RGS9: variants seen among roughly 807,000 people sequenced by gnomAD.
RGS9 encodes the protein regulator of G protein signaling 9.
A neutral mutation model predicts 102.0 loss-of-function variants in RGS9; 78 were observed. That is an observed-to-expected ratio of 0.76 (90% CI 0.64 to 0.92). The LOEUF is 0.92. RGS9 is among the 40% of genes least tolerant of loss of function. The pLI is 0.00. For missense variants in RGS9, 833 were observed against 866.1 expected (o/e 0.96, Z 0.48); for synonymous variants, 353 against 318.6 (o/e 1.11, Z -1.15).
intron 17 of RGS9, among the ~76,000 whole-genome samples, chr17:65,213,543 TGTGGTGGTGAGG>T (rs970701543): frequency 2.2e-4 from 33 of 147,402 alleles, no homozygotes; most frequent in East Asian, 2.5e-4. Context: ...TGGTGGTGAG[TGTGGTGGTGAGG>T]GTGGTGGTGA....
At chr17:65,201,884 G>C in intron 13 of RGS9, 109 bp from the exon 14 acceptor site, 1 of 765,314 alleles carries the variant, frequency 1.3e-6, no homozygotes, top group Admixed American at 1.9e-5. Context: ...TGTTCACTGA[G>C]CTGGGAAATG....
At chr17:65,153,707 C>T (rs1910668548) in intron 2 of RGS9, among the ~76,000 whole-genome samples, 189 bp downstream of exon 2, 1 of 151,846 alleles carries the variant, frequency 6.6e-6, no homozygotes, top group African/African-American at 2.4e-5. Flanking sequence ...CTGGCTAACA[C>T]GGTGAAACCT....
chr17:65,159,041 C>T (rs1279038033), intron 3 of RGS9, among the ~76,000 whole-genome samples: 1 of 152,108 alleles, frequency 6.6e-6, no homozygotes, highest in Admixed American at 6.5e-5. Flanking sequence ...GACATTCCAC[C>T]ACAAAAGAAG....
chr17:65,157,118 C>G (rs145092245), intron 2 of RGS9, among the ~76,000 whole-genome samples: 2 of 141,206 alleles, frequency 1.4e-5, no homozygotes, highest in African/African-American at 5.6e-5. Context: ...TGGCAATTAT[C>G]CAGACATAAG....
chr17:65,165,257 G>T (rs1201605174), intron 7 of RGS9, among the ~76,000 whole-genome samples: 1 of 152,120 alleles, frequency 6.6e-6, no homozygotes, highest in African/African-American at 2.4e-5. Context: ...CACCACCAAG[G>T]CCTTGGACTC....
chr17:65,221,171 G>A (rs73994762), intron 17 of RGS9, among the ~76,000 whole-genome samples: 10,913 of 152,102 alleles, frequency 0.072, 1,285 homozygotes, highest in African/African-American at 0.25. Context: ...CATCTTCCTC[G>A]CCTGTCTGTC....
In RGS9 at chr17:65,193,591, A is replaced by C; in HGVS notation, c.795A>C (p.Ser265=). Residue 265 remains serine (S), a synonymous_variant, in exon 12 of 19, where the codon TCA becomes TCC. Coordinates refer to ENST00000262406, the MANE Select transcript of RGS9 (RefSeq NM_003835.4). ...TCTCATCCAACGATGCCATCATGTCAGGCTGCCTCCCCAGCAACCCCTGGA... is the reference window on the plus strand; with the variant it reads ...TCTCATCCAACGATGCCATCATGTCCGGCTGCCTCCCCAGCAACCCCTGGA... The part of the protein sequence containing the change: ...EQFSSNDAIM[S]GCLPSNPWIT... 10 of 1,614,016 alleles carry C rather than the reference A, an allele frequency of 6.2e-6. No homozygotes were observed. Among genetic ancestry groups the C allele is most frequent in the African/African-American group, 1.3e-5 (1 of 75,050 alleles).
intron 9 of RGS9, among the ~76,000 whole-genome samples, chr17:65,184,764 C>T (rs1290921782): frequency 2.0e-5 from 3 of 150,112 alleles, no homozygotes; most frequent in Non-Finnish European, 4.4e-5. Context: ...TTTCCTTTCC[C>T]TTTCATTCTT....
Position 65,225,274 on chromosome 17 carries a change from C to T in RGS9, c.1680C>T (p.Ser560=), listed in dbSNP as rs747339412. 1.6e-5 allele frequency: 25 copies of T among 1,608,732 alleles called. No individual in the cohort carries two copies. The East Asian group carries it at 5.1e-4, about 33-fold the overall frequency. The change falls in exon 18 of 19, where the codon TCC becomes TCT. Residue 560 remains serine (S), a synonymous_variant. Transcript: ENST00000262406. ...CTGTCACCGAGAGCAGCGAGGCCTCCCTCGACACCTCCTGGCCTCGCAGCC... is the reference window on the plus strand; with the variant it reads ...CTGTCACCGAGAGCAGCGAGGCCTCTCTCGACACCTCCTGGCCTCGCAGCC... ...GPSVTESSEA[S]LDTSWPRSRP...
At chr17:65,205,636 T>G (rs1285436516) in intron 15 of RGS9, among the ~76,000 whole-genome samples, 1 of 151,904 alleles carries the variant, frequency 6.6e-6, no homozygotes, top group Non-Finnish European at 1.5e-5. Context: ...TGATATAGGC[T>G]ATCTGATATA....
chr17:65,210,627 A>G (rs1913256521), intron 17 of RGS9, 22 bp downstream of exon 17: 2 of 1,613,012 alleles, frequency 1.2e-6, no homozygotes, highest in African/African-American at 2.7e-5. Context: ...GCTGGACCGC[A>G]GGAGCCAACT....
rs540278712 is a variant in RGS9 at position 65,174,732 on chromosome 17, T to G, written c.583-3000T>G. Among the ~76,000 whole-genome samples the G allele has an allele frequency of 2.4e-4, 36 of 152,012 alleles. No homozygotes were observed. In the South Asian group the frequency reaches 5.0e-3, roughly 21 times the overall value. On this transcript the variant is annotated intron_variant, in intron 8 of 18. Transcript: ENST00000262406. ...TGTTTTTGTGTATTCATTCTCATAG[T>G]GTTATAAAGAAATACGCAAGACTGG...
At chr17:65,145,818 G>A (rs1910336803) in intron 1 of RGS9, among the ~76,000 whole-genome samples, 2 of 152,138 alleles carry the variant, frequency 1.3e-5, no homozygotes, top group Admixed American at 1.3e-4. Flanking sequence ...GAGTTCTGTG[G>A]TTTCCTGGGG....
chr17:65,160,134 A>T, intron 3 of RGS9, 99 bp from the exon 4 acceptor site: 2 of 892,322 alleles, frequency 2.2e-6, no homozygotes, highest in Non-Finnish European at 3.8e-6. Context: ...GCTGTTAGGA[A>T]GGGGCACCTG....
At chr17:65,170,162 C>T (rs1162521617) in intron 8 of RGS9, among the ~76,000 whole-genome samples, 1 of 148,556 alleles carries the variant, frequency 6.7e-6, no homozygotes, top group African/African-American at 2.5e-5. Flanking sequence ...TCAACCAATT[C>T]TACTGCCTCA....
chr17:65,207,039 C>T (rs778356505), intron 15 of RGS9, among the ~76,000 whole-genome samples: 11 of 152,186 alleles, frequency 7.2e-5, no homozygotes, highest in Admixed American at 2.6e-4. Context: ...GTTTTCCGCT[C>T]GCTTAAAAGT....
intron 9 of RGS9, among the ~76,000 whole-genome samples, chr17:65,185,931 A>C (rs1912096527): frequency 6.6e-6 from 1 of 152,176 alleles, no homozygotes; most frequent in Non-Finnish European, 1.5e-5. Flanking sequence ...GCCAGGATGC[A>C]TCTGTGTGCG....
chr17:65,190,060 G>T (rs1912306185), intron 10 of RGS9, 115 bp from the exon 11 acceptor site: 19 of 847,174 alleles, frequency 2.2e-5, no homozygotes, highest in South Asian at 2.1e-4. Context: ...GCTGGCTCTG[G>T]GCATGGAACG....
chr17:65,160,112 A>G, intron 3 of RGS9, 121 bp from the exon 4 acceptor site: 1 of 806,332 alleles, frequency 1.2e-6, no homozygotes, highest in Admixed American at 1.7e-5. Context: ...CTCACTGCTC[A>G]TGAGATGCAG....
Sources: gnomAD v4.1 joint callset for allele counts (sites outside exome capture counted in the v4.1 genomes callset) on GRCh38, gnomAD v4.1.1 for gene constraint, MANE v1.5 for transcripts, NCBI Gene and HGNC (gene_info 2026-07-23, HGNC 2026-07-21) for gene names.